Variants in GRM7 observed in about 807,000 individuals in gnomAD.
GRM7 encodes the protein metabotropic glutamate receptor 7.
Under a neutral mutation model 84.5 loss-of-function variants are expected in GRM7, and 35 were observed. The observed-to-expected ratio is 0.41, with a 90% CI of 0.32 to 0.55. The LOEUF (loss-of-function observed/expected upper bound fraction) is 0.55, where lower values mean the gene tolerates loss of function less well. Among genes scored for constraint, GRM7 ranks in the 20% least tolerant of loss-of-function variants. The probability of loss-of-function intolerance (pLI) is 0.19; values close to 1 mark genes in which losing one functional copy is unlikely to be tolerated. For missense variants in GRM7, 1,003 were observed against 1,194.6 expected (o/e 0.84, Z 2.36); for synonymous variants, 487 against 455.1 (o/e 1.07, Z -0.89).
At chr3:7,320,676 T>C (rs1309086684) in intron 4 of GRM7, among the ~76,000 whole-genome samples, 1 of 94,178 alleles carries the variant, frequency 1.1e-5, no homozygotes, top group Non-Finnish European at 2.1e-5. Flanking sequence ...CATCAGTGGG[T>C]GATCAGTGTG....
At chr3:7,487,285 T>C (rs1327966047) in intron 7 of GRM7, among the ~76,000 whole-genome samples, 1 of 152,002 alleles carries the variant, frequency 6.6e-6, no homozygotes, top group Non-Finnish European at 1.5e-5. Flanking sequence ...GTCTGAAAAT[T>C]TGGAAAATTT....
chr3:7,381,854 A>C (rs1463463292), intron 4 of GRM7, among the ~76,000 whole-genome samples: 3 of 152,188 alleles, frequency 2.0e-5, no homozygotes, highest in African/African-American at 7.2e-5. Flanking sequence ...TCTGAGTTGA[A>C]GGCACATTTA....
chr3:7,644,963 G>C (rs1698551942), intron 8 of GRM7, among the ~76,000 whole-genome samples: 1 of 152,028 alleles, frequency 6.6e-6, no homozygotes, highest in African/African-American at 2.4e-5. Context: ...CTCACAGACT[G>C]CCCTTGAAGC....
At chr3:7,378,880 CAT>C (rs1349498206) in intron 4 of GRM7, among the ~76,000 whole-genome samples, 2 of 152,156 alleles carry the variant, frequency 1.3e-5, no homozygotes, top group Non-Finnish European at 2.9e-5. Flanking sequence ...TTCTCCCTCA[CAT>C]GTTTCAGTCA....
chr3:7,631,209 T>C (rs1469995018), intron 8 of GRM7, among the ~76,000 whole-genome samples: 2 of 152,184 alleles, frequency 1.3e-5, no homozygotes, highest in African/African-American at 4.8e-5. Flanking sequence ...TCTTTGTACT[T>C]TCTCTTTATG....
At chr3:7,193,701 T>C (rs558734405) in intron 2 of GRM7, among the ~76,000 whole-genome samples, 4 of 152,242 alleles carry the variant, frequency 2.6e-5, no homozygotes, top group Non-Finnish European at 5.9e-5. Context: ...TTTTTCTGTC[T>C]TTCACTCACA....
At chr3:7,630,557 G>A (rs965717248) in intron 8 of GRM7, among the ~76,000 whole-genome samples, 1 of 152,164 alleles carries the variant, frequency 6.6e-6, no homozygotes, top group South Asian at 2.1e-4. Context: ...TCTCTCACTT[G>A]GGCTTCTGGA....
At chr3:7,463,390 C>T (rs113512401) in intron 7 of GRM7, among the ~76,000 whole-genome samples, 3 of 152,258 alleles carry the variant, frequency 2.0e-5, no homozygotes, top group African/African-American at 7.2e-5. Context: ...TGTATTTTAT[C>T]CTTTGTAAGA....
chr3:7,727,697 C>T (rs1702174922), intron 9 of GRM7, among the ~76,000 whole-genome samples: 2 of 152,190 alleles, frequency 1.3e-5, no homozygotes, highest in African/African-American at 2.4e-5. Context: ...GGCTTCTGGT[C>T]TGTTAAATCT....
At chr3:7,158,729 T>C (rs1188546280) in intron 2 of GRM7, among the ~76,000 whole-genome samples, 7 of 152,192 alleles carry the variant, frequency 4.6e-5, no homozygotes, top group Non-Finnish European at 7.3e-5. Flanking sequence ...GTTGATGTAG[T>C]AAAATTCTGG....
At chr3:7,076,072 G>A (rs12054424) in intron 1 of GRM7, among the ~76,000 whole-genome samples, 18,878 of 151,942 alleles carry the variant, frequency 0.12, 1,742 homozygotes, top group African/African-American at 0.26. Flanking sequence ...AATTTACTGT[G>A]TTCCTGCCAT....
At chr3:7,367,550 C>A (rs1000389617) in intron 4 of GRM7, among the ~76,000 whole-genome samples, 1 of 151,796 alleles carries the variant, frequency 6.6e-6, no homozygotes, top group Non-Finnish European at 1.5e-5. Flanking sequence ...CCCTTTTCCT[C>A]TTATTTTCTT....
At chr3:6,999,247 C>T (rs7629356) in intron 1 of GRM7, among the ~76,000 whole-genome samples, 1,906 of 152,230 alleles carry the variant, frequency 0.013, 46 homozygotes, top group African/African-American at 0.044. Flanking sequence ...CATTAAAGTC[C>T]CAACAAGTTC....
chr3:6,861,178 G>A lies in GRM7; in HGVS notation c.-211G>A, dbSNP rs1694740897. ...GAGCGCGAGCGCGGCGCGCCGGCCG[G>A]CTAACCCGAGAGCGCGAGGCGCCCC... On this transcript the variant is annotated 5_prime_UTR_variant, in exon 1 of 10. Coordinates refer to ENST00000357716, the MANE Select transcript of GRM7 (RefSeq NM_000844.4). This position sits in a 1 kb window ranked among gnomAD's most constrained non-coding sequence, Gnocchi z 6.4. 4.5e-6 allele frequency: 2 copies of A among 449,078 alleles called. No individual in the cohort carries two copies. The highest frequency in any genetic ancestry group is 7.7e-6 in the Non-Finnish European group (2 of 259,508). The allele number at this position is 449,078 out of a possible 1,614,324, so 27.8% of individuals were successfully genotyped here.
Position 7,452,683 on chromosome 3 carries a change from T to C in GRM7, c.1251T>C (p.Ala417=). Reference sequence around the variant, plus strand: ...AGTTCGTGATTGACGCAGTCTATGCTATGGCTCACGCCCTTCACCACATGA... The same window carrying C: ...AGTTCGTGATTGACGCAGTCTATGCCATGGCTCACGCCCTTCACCACATGA... ...KVQFVIDAVY[A]MAHALHHMNK... The change falls in exon 6 of 10, where the codon GCT becomes GCC. Residue 417 remains alanine, a synonymous_variant. Coordinates refer to ENST00000357716, the MANE Select transcript of GRM7 (RefSeq NM_000844.4). The C allele has an allele frequency of 1.9e-6, 3 of 1,613,246 alleles. No homozygotes were observed. The highest frequency in any genetic ancestry group is 2.5e-6 in the Non-Finnish European group (3 of 1,179,346).
At position 7,200,643 on chromosome 3, in the gene GRM7, TTCTGTGGG is replaced by T. The variant is rs1235110606; in HGVS notation, c.736+53980_736+53987del. Reference sequence around the variant, plus strand: ...TGCTGCACTCACCCCCAGAATTGGATTCTGTGGGTCTGAGGTGGAGCATGAGAATTCCT... The same window carrying T: ...TGCTGCACTCACCCCCAGAATTGGATTCTGAGGTGGAGCATGAGAATTCCT... On this transcript the variant is annotated intron_variant, in intron 2 of 9. Transcript: ENST00000357716. Among the ~76,000 whole-genome samples the T allele has an allele frequency of 5.9e-5, 9 of 152,298 alleles. No individual in the cohort carries two copies. In the South Asian group the frequency reaches 1.5e-3, roughly 25 times the overall value.
At chr3:7,066,579 C>T (rs954055721) in intron 1 of GRM7, among the ~76,000 whole-genome samples, 1 of 151,914 alleles carries the variant, frequency 6.6e-6, no homozygotes, top group African/African-American at 2.4e-5. Flanking sequence ...GGATTCACAG[C>T]AGCATTCTAC....
chr3:7,113,243 G>A (rs1692921260), intron 1 of GRM7, among the ~76,000 whole-genome samples: 1 of 152,082 alleles, frequency 6.6e-6, no homozygotes, highest in African/African-American at 2.4e-5. Context: ...CATTGTCATA[G>A]TTTAATTATA....
At chr3:7,240,119 G>GATTTTTTTTTT (rs1697494457) in intron 2 of GRM7, among the ~76,000 whole-genome samples, 1 of 19,178 alleles carries the variant, frequency 5.2e-5, no homozygotes, top group African/African-American at 1.4e-4. Context: ...TAGCATGTGA[G>GATTTTTTTTTT]GTTTTTTTTT....
Sources: gnomAD v4.1 joint callset for allele counts (sites outside exome capture counted in the v4.1 genomes callset) on GRCh38, gnomAD v4.1.1 for gene constraint, Gnocchi (gnomAD v3.1) non-coding constraint, MANE v1.5 for transcripts, NCBI Gene and HGNC (gene_info 2026-07-23, HGNC 2026-07-21) for gene names.